AK5: variants seen among roughly 807,000 people sequenced by gnomAD.
AK5 encodes the protein adenylate kinase 5.
A neutral mutation model predicts 69.5 loss-of-function variants in AK5; 27 were observed. The ratio of observed to expected loss-of-function variants is 0.39; its 90% CI spans 0.29 to 0.54. The LOEUF is 0.54. Ranked by LOEUF, AK5 falls within the 20% of genes least tolerant of loss-of-function variation. The pLI, the probability that AK5 is intolerant of heterozygous loss-of-function variation, is 0.71. For synonymous variants in AK5, 260 were observed against 244.4 expected (o/e 1.06, Z -0.60); for missense variants, 531 against 700.4 (o/e 0.76, Z 2.73).
intron 6 of AK5, among the ~76,000 whole-genome samples, chr1:77,358,510 C>G (rs1646791136): frequency 6.6e-6 from 1 of 152,142 alleles, no homozygotes; most frequent in South Asian, 2.1e-4. Flanking sequence ...GCAGATCACT[C>G]TGAGGATCTA....
At chr1:77,376,439 A>C (rs1422825734) in intron 6 of AK5, among the ~76,000 whole-genome samples, 1 of 95,390 alleles carries the variant, frequency 1.0e-5, no homozygotes, top group Non-Finnish European at 2.1e-5. Flanking sequence ...ATGCCAAAAA[A>C]AAAAAAAAAA....
intron 13 of AK5, among the ~76,000 whole-genome samples, chr1:77,536,517 A>G (rs1390564466): frequency 6.6e-6 from 1 of 152,220 alleles, no homozygotes; most frequent in Non-Finnish European, 1.5e-5. Flanking sequence ...TTCTATTTCA[A>G]TCAAAATTAA....
rs1660283294 is a variant in AK5, at chr1:77,558,966, C to T, written c.*296C>T. ...CACTCAGAGCTAGTCAGTACATGAA[C>T]AGTGGTGCGGTGCCAGTCTGTGTCC... On this transcript the variant is annotated 3_prime_UTR_variant, in exon 14 of 14. Coordinates refer to ENST00000354567, the MANE Select transcript of AK5 (RefSeq NM_174858.3). 1.1e-5 allele frequency: 3 copies of T among 261,238 alleles called. No homozygotes were observed. In the South Asian group the frequency reaches 1.9e-4, roughly 17 times the overall value. 16.2% of individuals were successfully genotyped at this position (261,238 alleles called of 1,614,324 possible).
intron 6 of AK5, among the ~76,000 whole-genome samples, chr1:77,372,017 C>T (rs1436152469): frequency 6.6e-6 from 1 of 152,156 alleles, no homozygotes; most frequent in Non-Finnish European, 1.5e-5. Flanking sequence ...TTATCTGCTT[C>T]TGATTTTGTT....
At chr1:77,462,258 G>T (rs1403899187) in intron 8 of AK5, among the ~76,000 whole-genome samples, 1 of 152,146 alleles carries the variant, frequency 6.6e-6, no homozygotes, top group African/African-American at 2.4e-5. Context: ...ATCCAGCGAG[G>T]CTGGACCTGG....
chr1:77,432,016 G>C (rs555701472), intron 8 of AK5, among the ~76,000 whole-genome samples: 11 of 152,260 alleles, frequency 7.2e-5, no homozygotes, highest in Admixed American at 3.3e-4. Flanking sequence ...AGAATTTTTT[G>C]TGGTAGTTTT....
chr1:77,502,132 A>T (rs554455121), intron 10 of AK5, among the ~76,000 whole-genome samples: 32 of 152,306 alleles, frequency 2.1e-4, no homozygotes, highest in African/African-American at 7.5e-4. Context: ...GAAAGTTTTT[A>T]AAAAAATAAC....
At chr1:77,456,778 A>C (rs1316739607) in intron 8 of AK5, among the ~76,000 whole-genome samples, 1 of 152,118 alleles carries the variant, frequency 6.6e-6, no homozygotes, top group African/African-American at 2.4e-5. Flanking sequence ...TGCTCTTCTC[A>C]CCTGCCCCAT....
intron 6 of AK5, among the ~76,000 whole-genome samples, chr1:77,384,823 G>A (rs1009584101): frequency 2.0e-5 from 3 of 152,042 alleles, no homozygotes; most frequent in Non-Finnish European, 2.9e-5. Context: ...TCTAGGATTC[G>A]GTAATGATGA....
chr1:77,282,727 G>T, intron 1 of AK5: 1 of 1,051,168 alleles, frequency 9.5e-7, no homozygotes, highest in Non-Finnish European at 1.1e-6. Context: ...TCAGGTGGCT[G>T]CACTGTCGCC....
chr1:77,443,787 AT>A (rs1652489128), intron 8 of AK5, among the ~76,000 whole-genome samples: 1 of 149,196 alleles, frequency 6.7e-6, no homozygotes. Flanking sequence ...TTTCTAATTT[AT>A]TTTTTAAATA....
At chr1:77,440,716 A>G (rs1408100236) in intron 8 of AK5, among the ~76,000 whole-genome samples, 3 of 151,558 alleles carry the variant, frequency 2.0e-5, no homozygotes, top group African/African-American at 7.3e-5. Flanking sequence ...TATAATTTAT[A>G]ATGGCCTATA....
At chr1:77,350,266 G>A (rs756377347) in intron 6 of AK5, among the ~76,000 whole-genome samples, 4 of 152,182 alleles carry the variant, frequency 2.6e-5, no homozygotes, top group Admixed American at 6.5e-5. Context: ...GGAAAGATTA[G>A]GGAAGGCTTT....
chr1:77,297,725 A>G lies in AK5; in HGVS notation c.582A>G (p.Pro194=). ...TAATTACAACTGGAGAATTGGCCCC[A>G]CAGGTACTGCTGTATAATTATCTTT... The part of the protein sequence containing the change: ...AKIITTGELA[P]QETTITEIKQ... Residue 194 remains proline, a synonymous_variant, in exon 4 of 14, where the codon CCA becomes CCG. Coordinates refer to ENST00000354567, the MANE Select transcript of AK5 (RefSeq NM_174858.3). The G allele has an allele frequency of 6.2e-7, 1 of 1,612,416 alleles. No individual in the cohort carries two copies.
intron 8 of AK5, among the ~76,000 whole-genome samples, chr1:77,466,267 C>T (rs756600808): frequency 8.5e-5 from 13 of 152,178 alleles, no homozygotes; most frequent in Non-Finnish European, 1.6e-4. Context: ...TTCCCTTCTC[C>T]ACTTGCCCAA....
intron 8 of AK5, among the ~76,000 whole-genome samples, chr1:77,434,276 A>G (rs1651828639): frequency 6.6e-6 from 1 of 152,122 alleles, no homozygotes. Context: ...ATCTTGGAAC[A>G]TTCATATCAA....
At chr1:77,467,778 A>G (rs1654230677) in intron 8 of AK5, among the ~76,000 whole-genome samples, 1 of 152,172 alleles carries the variant, frequency 6.6e-6, no homozygotes, top group South Asian at 2.1e-4. Context: ...GGGAAGGAGG[A>G]GAGGAGGCTG....
chr1:77,397,436 A>C (rs1464340376), intron 6 of AK5, among the ~76,000 whole-genome samples: 1 of 152,186 alleles, frequency 6.6e-6, no homozygotes, highest in African/African-American at 2.4e-5. Context: ...ATTTCCCCCA[A>C]GTCATCCTTA....
chr1:77,512,526 A>C (rs115904674), intron 10 of AK5, among the ~76,000 whole-genome samples: 2,122 of 148,782 alleles, frequency 0.014, 28 homozygotes, highest in South Asian at 0.06. Flanking sequence ...GAACGGGACA[A>C]ATTTCAGAGA....
Sources: gnomAD v4.1 joint callset for allele counts (sites outside exome capture counted in the v4.1 genomes callset) on GRCh38, gnomAD v4.1.1 for gene constraint, MANE v1.5 for transcripts, NCBI Gene and HGNC (gene_info 2026-07-23, HGNC 2026-07-21) for gene names.